Variants in WWOX observed in about 807,000 individuals in gnomAD.
WWOX encodes WW domain containing oxidoreductase.
A neutral mutation model predicts 46.2 loss-of-function variants in WWOX; 69 were observed. That is an observed-to-expected ratio of 1.49 (90% CI 1.23 to 1.82). The LOEUF is 1.82. WWOX is among the 40% of genes most tolerant of loss of function. WWOX has a pLI of 0.00. For synonymous variants in WWOX, 359 were observed against 202.6 expected (o/e 1.77, Z -6.56); for missense variants, 919 against 542.6 (o/e 1.69, Z -6.89).
rs920581175 is a variant in WWOX at position 78,315,256 on chromosome 16, T to C, written c.517-71604T>C. Among the ~76,000 whole-genome samples the C allele has an allele frequency of 2.6e-5, 4 of 152,322 alleles. No homozygotes were observed. In the South Asian group the frequency reaches 6.2e-4, roughly 24 times the overall value. ...TCTAAAATCACTAGGTGAGGAGTAATAGAAATGTAGACATGAGAAGTGAAA... is the reference window on the plus strand; with the variant it reads ...TCTAAAATCACTAGGTGAGGAGTAACAGAAATGTAGACATGAGAAGTGAAA... On this transcript the variant is annotated intron_variant, in intron 5 of 8. Transcript: ENST00000566780.
rs2044832393 is a variant in WWOX at position 78,575,045 on chromosome 16, ATATATATATAT to A, written c.1056+142294_1056+142304del. Among the ~76,000 whole-genome samples the A allele has an allele frequency of 1.3e-3, 9 of 7,164 alleles. 1 individual carries two copies. Among genetic ancestry groups the A allele is most frequent in the African/African-American group, 1.9e-3 (4 of 2,118 alleles). 4.7% of individuals were successfully genotyped at this position (7,164 alleles called of 152,430 possible). A position where few individuals can be genotyped will look rare whatever the true frequency, so the allele number is the denominator to read the frequency against. On this transcript the variant is annotated intron_variant, in intron 8 of 8. Coordinates refer to ENST00000566780, the MANE Select transcript of WWOX (RefSeq NM_016373.4). The stretch of plus-strand genomic sequence containing the variant: ...TAAATATATATATATATATATATAT[ATATATATATAT>A]ATATATATATATATATATATATATA...
chr16:79,087,025 G>A (rs2150592011), intron 8 of WWOX, among the ~76,000 whole-genome samples: 1 of 152,324 alleles, frequency 6.6e-6, no homozygotes, highest in South Asian at 2.1e-4. Flanking sequence ...GATACCTGGG[G>A]GTCCCCATCT....
intron 8 of WWOX, among the ~76,000 whole-genome samples, chr16:79,009,930 A>T (rs563439209): frequency 6.6e-6 from 1 of 152,156 alleles, no homozygotes; most frequent in African/African-American, 2.4e-5. Flanking sequence ...AAATTTGATA[A>T]TTTGTCTATT....
At chr16:78,951,886 G>C (rs1470796464) in intron 8 of WWOX, among the ~76,000 whole-genome samples, 1 of 152,138 alleles carries the variant, frequency 6.6e-6, no homozygotes, top group Non-Finnish European at 1.5e-5. Context: ...AATGGATGTG[G>C]GTGAGAGGAC....
At chr16:78,572,415 T>C (rs1003999873) in intron 8 of WWOX, among the ~76,000 whole-genome samples, 3 of 152,014 alleles carry the variant, frequency 2.0e-5, no homozygotes, top group Admixed American at 1.3e-4. Context: ...GGCAACATAC[T>C]GAGACCCCAT....
chr16:78,396,354 C>G (rs1197459647), intron 6 of WWOX, among the ~76,000 whole-genome samples: 5 of 152,042 alleles, frequency 3.3e-5, no homozygotes, highest in African/African-American at 1.2e-4. Flanking sequence ...TCATCACTGC[C>G]AAGACATAAA....
intron 8 of WWOX, among the ~76,000 whole-genome samples, chr16:79,104,532 GT>G (rs1302027677): frequency 6.6e-6 from 1 of 152,150 alleles, no homozygotes; most frequent in Non-Finnish European, 1.5e-5. Flanking sequence ...AGAAATATTA[GT>G]TGACAACTTG....
At chr16:78,718,152 T>C (rs2048612355) in intron 8 of WWOX, among the ~76,000 whole-genome samples, 1 of 151,372 alleles carries the variant, frequency 6.6e-6, no homozygotes, top group Admixed American at 6.6e-5. Flanking sequence ...ATGTTTATAG[T>C]ATCTCTTTTT....
At chr16:78,357,795 C>T (rs1433754949) in intron 5 of WWOX, among the ~76,000 whole-genome samples, 1 of 152,112 alleles carries the variant, frequency 6.6e-6, no homozygotes, top group Admixed American at 6.5e-5. Flanking sequence ...GTAATTATTC[C>T]CATTTCACCC....
At chr16:78,839,960 A>T (rs2052093930) in intron 8 of WWOX, among the ~76,000 whole-genome samples, 1 of 152,194 alleles carries the variant, frequency 6.6e-6, no homozygotes, top group Non-Finnish European at 1.5e-5. Flanking sequence ...TAGTGACTTG[A>T]GCAAGTTGCT....
At position 78,387,028 on chromosome 16, in the gene WWOX, A is replaced by G. The variant is rs2082075164; in HGVS notation, c.605+80A>G. Reference sequence around the variant, plus strand: ...TTATCAGATGAACACAATTGGGAGAATGCAAGGCTGTTGTGTTGTCTTGGC... The same window carrying G: ...TTATCAGATGAACACAATTGGGAGAGTGCAAGGCTGTTGTGTTGTCTTGGC... On this transcript the variant is annotated intron_variant, in intron 6 of 8. Coordinates refer to ENST00000566780, the MANE Select transcript of WWOX (RefSeq NM_016373.4). 2.1e-6 allele frequency: 3 copies of G among 1,407,526 alleles called. No homozygotes were observed. The Admixed American group carries it at 5.1e-5, about 24-fold the overall frequency. 87.2% of individuals were successfully genotyped at this position (1,407,526 alleles called of 1,614,324 possible).
chr16:78,833,505 G>T (rs1175092188), intron 8 of WWOX, among the ~76,000 whole-genome samples: 3 of 151,936 alleles, frequency 2.0e-5, no homozygotes, highest in Admixed American at 1.3e-4. Flanking sequence ...CAGAAAATTG[G>T]GTTACAATAC....
intron 8 of WWOX, among the ~76,000 whole-genome samples, chr16:78,908,541 GAA>G (rs111272074): frequency 2.7e-5 from 4 of 146,078 alleles, no homozygotes; most frequent in African/African-American, 1.0e-4. Flanking sequence ...CTCTGTCTCG[GAA>G]AAAAAAAAAA....
intron 8 of WWOX, among the ~76,000 whole-genome samples, chr16:78,931,202 A>G (rs1212106594): frequency 6.6e-6 from 1 of 152,210 alleles, no homozygotes; most frequent in East Asian, 1.9e-4. Flanking sequence ...CACACTCAGG[A>G]ATAGTGGAAA....
intron 8 of WWOX, among the ~76,000 whole-genome samples, chr16:78,926,839 C>G (rs1218340645): frequency 1.3e-5 from 2 of 152,238 alleles, no homozygotes; most frequent in Admixed American, 6.5e-5. Context: ...CTCTGTCACC[C>G]AGGCTGGAGT....
intron 8 of WWOX, among the ~76,000 whole-genome samples, chr16:78,832,505 G>A (rs1366084112): frequency 6.6e-6 from 1 of 152,136 alleles, no homozygotes; most frequent in Admixed American, 6.5e-5. Context: ...GAACTTGTGG[G>A]CATATTCTAA....
chr16:78,885,785 C>T (rs547735820), intron 8 of WWOX, among the ~76,000 whole-genome samples: 9 of 152,038 alleles, frequency 5.9e-5, no homozygotes, highest in Admixed American at 2.6e-4. Flanking sequence ...ATAGAAGGAT[C>T]GGATTCTTCC....
At chr16:78,241,460 C>T (rs368473324) in intron 5 of WWOX, among the ~76,000 whole-genome samples, 3 of 151,974 alleles carry the variant, frequency 2.0e-5, no homozygotes, top group African/African-American at 7.3e-5. Flanking sequence ...GGGAGTTTTA[C>T]TCTTGTCACC....
chr16:78,292,507 T>C (rs2079876094), intron 5 of WWOX, among the ~76,000 whole-genome samples: 1 of 152,192 alleles, frequency 6.6e-6, no homozygotes, highest in African/African-American at 2.4e-5. Flanking sequence ...TTTATAGCTA[T>C]GCATGCAATC....
Sources: allele counts gnomAD v4.1 joint callset (sites outside exome capture counted in the v4.1 genomes callset), GRCh38; gene constraint gnomAD v4.1.1; transcripts MANE v1.5; gene names NCBI Gene and HGNC (gene_info 2026-07-23, HGNC 2026-07-21).